SEC24B: variants seen among roughly 807,000 people sequenced by gnomAD.
The protein encoded by SEC24B is SEC24 homolog B, COPII component.
SEC24B carries 45 observed loss-of-function variants against 142.8 expected under a neutral mutation model. The ratio of observed to expected loss-of-function variants is 0.32; its 90% CI spans 0.25 to 0.40. The LOEUF (loss-of-function observed/expected upper bound fraction) is 0.40. Ranked by LOEUF, SEC24B falls within the 10% of genes least tolerant of loss-of-function variation. The pLI is 1.00. For missense variants in SEC24B, 1,409 were observed against 1,526.8 expected (o/e 0.92, Z 1.29); for synonymous variants, 574 against 568.2 (o/e 1.01, Z -0.15).
chr4:109,508,409 A>C (rs1199649087), intron 7 of SEC24B, among the ~76,000 whole-genome samples: 1 of 151,990 alleles, frequency 6.6e-6, no homozygotes, highest in African/African-American at 2.4e-5. Context: ...CTCCAAAAAA[A>C]CAAAAAAATT....
In SEC24B at chr4:109,463,638, A is replaced by T. The variant is rs745482221; in HGVS notation, c.871A>T (p.Ile291Phe). Residue 291 changes from isoleucine to phenylalanine, a missense_variant, in exon 2 of 24, where the codon ATT becomes TTT. Around this residue, in one of 2 missense-constraint regions of SEC24B, gnomAD observed 709 missense variants for 673.5 expected, o/e 1.05. Transcript: ENST00000265175. ...SLAVANNNPT[I>F]TVADSLSCPV... ...GGCTGTAGCGAACAACAACCCAACC[A>T]TTACTGGTAGGTTGAATGAAAAGTT... is the stretch of plus-strand genomic sequence containing the variant. 6.2e-7 allele frequency: 1 copy of T among 1,611,072 alleles called. No homozygotes were observed. The highest frequency in any genetic ancestry group is 1.3e-5 in the African/African-American group (1 of 74,990).
rs574317337 is a variant in SEC24B at position 109,515,865 on chromosome 4, C to T, written c.2014-663C>T. Among the ~76,000 whole-genome samples the T allele has an allele frequency of 1.9e-4, 28 of 146,636 alleles. 1 individual carries two copies. Among genetic ancestry groups the T allele is most frequent in the Middle Eastern group, 3.5e-3 (1 of 284 alleles). ...AACCAGCCTGGCCAACATAGTGAACCCCCCCCCACCCCCATCTCTACCAAA... is the reference window on the plus strand; with the variant it reads ...AACCAGCCTGGCCAACATAGTGAACTCCCCCCCACCCCCATCTCTACCAAA... On this transcript the variant is annotated intron_variant, in intron 10 of 23. Transcript: ENST00000265175.
intron 7 of SEC24B, among the ~76,000 whole-genome samples, chr4:109,507,424 C>T (rs371239162): frequency 1.6e-4 from 24 of 150,816 alleles, no homozygotes; most frequent in African/African-American, 2.9e-4. Flanking sequence ...CGGGTGTGCA[C>T]CATGATGCGT....
chr4:109,439,302 A>T (rs1728692909), intron 1 of SEC24B, among the ~76,000 whole-genome samples: 1 of 151,990 alleles, frequency 6.6e-6, no homozygotes, highest in Non-Finnish European at 1.5e-5. Context: ...ATTTAAAATG[A>T]TATAAATCTC....
In SEC24B at chr4:109,490,628, C is replaced by A. The variant is rs73838803; in HGVS notation, c.1166-699C>A. 5.6e-3 allele frequency among the ~76,000 whole-genome samples: 848 copies of A among 152,216 alleles called. 17 individuals are homozygous for A. Among genetic ancestry groups the A allele is most frequent in the African/African-American group, 0.019 (802 of 41,560 alleles). ...GAAGAAGTATATTGCTTGTTCTTTT[C>A]ATGTGACCTGTGACCACATTTCATC... On this transcript the variant is annotated intron_variant, in intron 4 of 23. Transcript: ENST00000265175.
At chr4:109,486,996 A>G (rs541948120) in intron 4 of SEC24B, among the ~76,000 whole-genome samples, 3 of 151,908 alleles carry the variant, frequency 2.0e-5, no homozygotes, top group South Asian at 4.2e-4. Context: ...GAAACCCCAT[A>G]TCTACTAAAA....
chr4:109,539,787 G>T lies in SEC24B; in HGVS notation c.*112G>T. The stretch of plus-strand genomic sequence containing the variant: ...GGCATTTGTTAATACAAGATGCAAC[G>T]CACAGCACTCTGTCTGAGGCTTTGG... On this transcript the variant is annotated 3_prime_UTR_variant, in exon 24 of 24. Coordinates refer to ENST00000265175, the MANE Select transcript of SEC24B (RefSeq NM_006323.5). 1.5e-6 allele frequency: 1 copy of T among 673,476 alleles called. No homozygotes were observed. The highest frequency in any genetic ancestry group is 2.6e-6 in the Non-Finnish European group (1 of 389,174). The allele number at this position is 673,476 out of a possible 1,614,324, so 41.7% of individuals were successfully genotyped here.
intron 1 of SEC24B, among the ~76,000 whole-genome samples, chr4:109,461,781 T>G (rs1022496984): frequency 3.3e-5 from 5 of 152,318 alleles, no homozygotes; most frequent in African/African-American, 1.2e-4. Flanking sequence ...GTGGGTATAT[T>G]GTTACTTTTC....
At position 109,507,056 on chromosome 4, in the gene SEC24B, A is replaced by G. The variant is rs79930231; in HGVS notation, c.1673+544A>G. On this transcript the variant is annotated intron_variant, in intron 7 of 23. Transcript: ENST00000265175. ...TAGAGAAGTTTAGCTGGCAGACTGC[A>G]CTGGCAACCACCAAGCCCTGGTGTA... 3.2e-3 allele frequency among the ~76,000 whole-genome samples: 481 copies of G among 152,220 alleles called. 5 individuals are homozygous for G. The highest frequency in any genetic ancestry group is 0.011 in the African/African-American group (458 of 41,532).
At chr4:109,505,159 T>C (rs905389355) in intron 6 of SEC24B, among the ~76,000 whole-genome samples, 1 of 152,070 alleles carries the variant, frequency 6.6e-6, no homozygotes, top group Non-Finnish European at 1.5e-5. Context: ...ATTAGAATTA[T>C]ATAAATGTTA....
At position 109,436,137 on chromosome 4, in the gene SEC24B, C is replaced by T. The variant is rs540798709; in HGVS notation, c.133+2135C>T. ...GTAAGAACTAGGGTCAGGTAGAGTA[C>T]GAGGTCTCCCTGTGTTGCCCAGGCT... On this transcript the variant is annotated intron_variant, in intron 1 of 23. Transcript: ENST00000265175. Among the ~76,000 whole-genome samples the T allele has an allele frequency of 3.3e-5, 5 of 152,280 alleles. No individual in the cohort carries two copies. The East Asian group carries it at 7.7e-4, about 23-fold the overall frequency.
At chr4:109,531,549 T>A in intron 20 of SEC24B, 27 bp downstream of exon 20, 1 of 1,543,378 alleles carries the variant, frequency 6.5e-7, no homozygotes, top group Non-Finnish European at 8.9e-7. Flanking sequence ...ATTTGAAATG[T>A]TTAAATTTGA....
intron 6 of SEC24B, among the ~76,000 whole-genome samples, chr4:109,498,875 A>G (rs1735814297): frequency 6.8e-6 from 1 of 147,576 alleles, no homozygotes; most frequent in Admixed American, 6.9e-5. Flanking sequence ...TGACAGGAAA[A>G]AAAAACACCT....
At chr4:109,452,549 G>C (rs1237058542) in intron 1 of SEC24B, among the ~76,000 whole-genome samples, 1 of 152,196 alleles carries the variant, frequency 6.6e-6, no homozygotes, top group Non-Finnish European at 1.5e-5. Context: ...AACAATGAGT[G>C]AATGTTTCTC....
intron 3 of SEC24B, among the ~76,000 whole-genome samples, chr4:109,478,299 A>T (rs1733385590): frequency 1.3e-5 from 2 of 151,862 alleles, no homozygotes; most frequent in South Asian, 2.1e-4. Context: ...AAAAAAAAAA[A>T]AATTAATAAA....
Position 109,521,156 on chromosome 4 carries a change from T to A in SEC24B, c.2285T>A (p.Leu762Gln). 1.3e-6 allele frequency: 2 copies of A among 1,518,402 alleles called. No individual in the cohort carries two copies. Among genetic ancestry groups the A allele is most frequent in the Non-Finnish European group, 1.8e-6 (2 of 1,098,130 alleles). The allele number at this position is 1,518,402 out of a possible 1,614,324, so 94.1% of individuals were successfully genotyped here. A position where few individuals can be genotyped will look rare whatever the true frequency, so the allele number is the denominator to read the frequency against. ...LPTPDSLLVN[L>Q]YESKELIKDL... is the part of the protein sequence containing the mutation. The stretch of plus-strand genomic sequence containing the variant: ...ACACCGGATAGTTTACTTGTGAATC[T>A]ATATGAAAGTAAAGAGGTAAGATTG... Residue 762 changes from leucine (L) to glutamine (Q), a missense_variant, in exon 13 of 24, where the codon CTA becomes CAA. By Grantham distance (113) the Leu-to-Gln change is moderately radical. This residue lies in a region of SEC24B where 700 missense variants were observed against 853.3 expected (regional missense o/e 0.82). Transcript: ENST00000265175.
intron 4 of SEC24B, among the ~76,000 whole-genome samples, chr4:109,482,971 T>C (rs1410117575): frequency 0.079 from 4,610 of 58,532 alleles, 827 homozygotes; most frequent in African/African-American, 0.45. Flanking sequence ...TATATATATA[T>C]ATATATATAC....
chr4:109,504,697 A>G lies in SEC24B; in HGVS notation c.1489-1631A>G, dbSNP rs139161904. On this transcript the variant is annotated intron_variant, in intron 6 of 23. Transcript: ENST00000265175. ...CTAGGCTTGATTAGTGCCTCATACAATGACAGCCTGATCCTTTAATTGTGA... is the reference window on the plus strand; with the variant it reads ...CTAGGCTTGATTAGTGCCTCATACAGTGACAGCCTGATCCTTTAATTGTGA... 8.2e-4 allele frequency among the ~76,000 whole-genome samples: 125 copies of G among 152,270 alleles called. 2 individuals carry two copies. The East Asian group carries it at 0.022, about 27-fold the overall frequency.
chr4:109,438,304 CT>C (rs1328043859), intron 1 of SEC24B, among the ~76,000 whole-genome samples: 11 of 152,020 alleles, frequency 7.2e-5, no homozygotes, highest in African/African-American at 2.4e-4. Flanking sequence ...AACTTTTTGT[CT>C]GTTTGTTTAT....
Sources: gnomAD v4.1 joint callset for allele counts (sites outside exome capture counted in the v4.1 genomes callset) on GRCh38, gnomAD v4.1.1 for gene constraint, gnomAD v4.1.1 regional missense constraint, MANE v1.5 for transcripts, NCBI Gene and HGNC (gene_info 2026-07-23, HGNC 2026-07-21) for gene names.